The following MAPK10 variants were observed in gnomAD, a reference collection of about 807,000 sequenced individuals.
MAPK10 encodes the protein mitogen-activated protein kinase 10.
MAPK10 carries 25 observed loss-of-function variants against 59.3 expected under a neutral mutation model. The ratio of observed to expected loss-of-function variants is 0.42; its 90% CI spans 0.31 to 0.59. The LOEUF (loss-of-function observed/expected upper bound fraction) is 0.59, where lower values mean the gene tolerates loss of function less well. MAPK10 is among the 20% of genes least tolerant of loss of function. The probability of loss-of-function intolerance (pLI) is 0.15; values close to 1 mark genes in which losing one functional copy is unlikely to be tolerated. For missense variants in MAPK10, 351 were observed against 568.9 expected, an observed-to-expected ratio of 0.62 and a Z score of 3.90; for synonymous variants, 190 against 200.5, an observed-to-expected ratio of 0.95 and a Z score of 0.44.
intron 2 of MAPK10, among the ~76,000 whole-genome samples, chr4:86,248,103 A>C (rs1358616215): frequency 2.0e-5 from 3 of 152,212 alleles, no homozygotes; most frequent in Non-Finnish European, 4.4e-5. Context: ...GGCCAGAAGC[A>C]AAAAGCGCAA....
intron 9 of MAPK10, among the ~76,000 whole-genome samples, chr4:86,070,699 T>C (rs528921143): frequency 1.3e-5 from 2 of 151,486 alleles, no homozygotes; most frequent in African/African-American, 4.8e-5. Flanking sequence ...GTTTCATCCA[T>C]GTCCCTACAA....
chr4:86,561,195 C>T (rs1268610042), intron 1 of MAPK10, among the ~76,000 whole-genome samples: 2 of 152,120 alleles, frequency 1.3e-5, no homozygotes, highest in African/African-American at 4.8e-5. Context: ...TGACAGGAGG[C>T]AGAGCTCAGG....
chr4:86,275,305 T>G (rs2094541325), intron 2 of MAPK10, among the ~76,000 whole-genome samples: 2 of 152,078 alleles, frequency 1.3e-5, no homozygotes, highest in South Asian at 2.1e-4. Flanking sequence ...CACTAGATGT[T>G]TCCTTGCTAC....
At chr4:86,084,491 C>T (rs2051338180) in intron 9 of MAPK10, among the ~76,000 whole-genome samples, 1 of 152,056 alleles carries the variant, frequency 6.6e-6, no homozygotes, top group Non-Finnish European at 1.5e-5. Flanking sequence ...AAAGTGTAAT[C>T]CCATTTATAA....
chr4:86,349,801 A>C (rs1469202907), intron 2 of MAPK10, among the ~76,000 whole-genome samples: 1 of 152,204 alleles, frequency 6.6e-6, no homozygotes, highest in Non-Finnish European at 1.5e-5. Context: ...CTGCATTTCT[A>C]TCAGGCTCCA....
intron 1 of MAPK10, among the ~76,000 whole-genome samples, chr4:86,529,680 T>TC (rs1391346621): frequency 6.6e-6 from 1 of 152,056 alleles, no homozygotes; most frequent in Non-Finnish European, 1.5e-5. Flanking sequence ...TCTCCCAACC[T>TC]CCCCTGGGAG....
At chr4:86,300,503 T>C (rs1489040481) in intron 2 of MAPK10, 1 of 152,208 alleles carries the variant, frequency 6.6e-6, no homozygotes, top group African/African-American at 2.4e-5. Context: ...CTTAGAATGA[T>C]ATTATTAAGA....
At chr4:86,536,889 A>G (rs1281499027) in intron 1 of MAPK10, among the ~76,000 whole-genome samples, 1 of 152,186 alleles carries the variant, frequency 6.6e-6, no homozygotes, top group East Asian at 1.9e-4. Flanking sequence ...TTGGTTATAA[A>G]GCCTTTCAGC....
intron 2 of MAPK10, among the ~76,000 whole-genome samples, chr4:86,313,838 C>T (rs897928070): frequency 9.9e-5 from 15 of 152,150 alleles, no homozygotes; most frequent in African/African-American, 2.9e-4. Context: ...ATCCAATGAT[C>T]TAGCACTTCC....
intron 3 of MAPK10, among the ~76,000 whole-genome samples, chr4:86,167,588 A>G (rs1414538833): frequency 6.6e-6 from 1 of 152,224 alleles, no homozygotes; most frequent in Non-Finnish European, 1.5e-5. Context: ...AATGTAATCC[A>G]TCACATAAAC....
intron 2 of MAPK10, among the ~76,000 whole-genome samples, chr4:86,238,454 C>T (rs192449067): frequency 1.4e-4 from 22 of 152,234 alleles, no homozygotes; most frequent in African/African-American, 3.4e-4. Context: ...GCCATTTTCA[C>T]GATATTGTTT....
intron 9 of MAPK10, chr4:86,095,512 T>G (rs1338402297): frequency 6.6e-6 from 1 of 151,894 alleles, no homozygotes; most frequent in Non-Finnish European, 1.5e-5. Context: ...TTTTTGAAAT[T>G]TCTGCAGAGT....
In MAPK10 at chr4:86,548,720, G is replaced by C. The variant is rs141921656; in HGVS notation, c.-263+45190C>G. On this transcript the variant is annotated intron_variant, in intron 1 of 4. Coordinates refer to the MAPK10 transcript ENST00000502302. ...ACTTTGGCTCAGGTGTTTCTTCATA[G>C]CAGTGTGAGAACAGACTAATGCAGG... Among the ~76,000 whole-genome samples, 8 of 152,286 alleles carry C rather than the reference G, an allele frequency of 5.3e-5. No homozygotes were observed. In the East Asian group the frequency reaches 1.2e-3, roughly 22 times the overall value.
intron 2 of MAPK10, among the ~76,000 whole-genome samples, chr4:86,293,302 T>C (rs1003032294): frequency 1.3e-5 from 2 of 152,208 alleles, no homozygotes; most frequent in African/African-American, 4.8e-5. Context: ...GAAGAAATAA[T>C]TTAAAGAATG....
intron 1 of MAPK10, among the ~76,000 whole-genome samples, chr4:86,369,639 A>AT (rs756337202): frequency 2.5e-4 from 38 of 152,210 alleles, no homozygotes; most frequent in Non-Finnish European, 4.0e-4. Context: ...TATCCTAAAC[A>AT]TGCTATTTCA....
intron 4 of MAPK10, among the ~76,000 whole-genome samples, chr4:86,110,992 T>C (rs1279699636): frequency 6.6e-6 from 1 of 152,182 alleles, no homozygotes; most frequent in Non-Finnish European, 1.5e-5. Context: ...TTGTAGCAAT[T>C]GTGAATGGGA....
At chr4:86,350,466 G>A (rs570443093) in intron 2 of MAPK10, among the ~76,000 whole-genome samples, 23 of 152,084 alleles carry the variant, frequency 1.5e-4, no homozygotes, top group South Asian at 8.3e-4. Context: ...CGCCCACCTC[G>A]GCCTCCCAAA....
intron 4 of MAPK10, among the ~76,000 whole-genome samples, chr4:86,148,634 A>G (rs2065598638): frequency 6.6e-6 from 1 of 152,232 alleles, no homozygotes; most frequent in African/African-American, 2.4e-5. Flanking sequence ...GGAAAGAGAA[A>G]GGAAGAAACT....
rs116387601 is a variant in MAPK10 at position 86,355,837 on chromosome 4, T to G, written c.-121-1193A>C. 4.6e-3 allele frequency among the ~76,000 whole-genome samples: 698 copies of G among 152,332 alleles called. 8 individuals are homozygous for G. The highest frequency in any genetic ancestry group is 0.016 in the African/African-American group (652 of 41,582). On this transcript the variant is annotated intron_variant, in intron 1 of 13. Transcript: ENST00000641462. ...ATAAACAGACCTAACCTAAGAGCTTTCCTTCACTATCAATGCTTTCAGATC... is the reference window on the plus strand; with the variant it reads ...ATAAACAGACCTAACCTAAGAGCTTGCCTTCACTATCAATGCTTTCAGATC...
Sources: gnomAD v4.1 joint callset for allele counts (sites outside exome capture counted in the v4.1 genomes callset) on GRCh38, gnomAD v4.1.1 for gene constraint, MANE v1.5 for transcripts, NCBI Gene and HGNC (gene_info 2026-07-23, HGNC 2026-07-21) for gene names.